The following TMEM71 variants were observed in gnomAD, a reference collection of about 807,000 sequenced individuals.
TMEM71 encodes transmembrane protein 71.
A neutral mutation model predicts 38.0 loss-of-function variants in TMEM71; 44 were observed. The ratio of observed to expected loss-of-function variants is 1.16; its 90% confidence interval spans 0.91 to 1.49. The LOEUF is 1.49. TMEM71 is among the 40% of genes most tolerant of loss of function. The pLI, the probability that TMEM71 is intolerant of heterozygous loss-of-function variation, is 0.00. For synonymous variants in TMEM71, 133 were observed against 122.5 expected, an observed-to-expected ratio of 1.09 and a Z score of -0.56; for missense variants, 367 against 348.6, an observed-to-expected ratio of 1.05 and a Z score of -0.42.
chr8:132,744,510 G>A (rs762688432), intron 5 of TMEM71, among the ~76,000 whole-genome samples: 14 of 151,992 alleles, frequency 9.2e-5, no homozygotes, highest in Non-Finnish European at 1.8e-4. Flanking sequence ...GAACTACAAA[G>A]AACTGCTTAA....
At chr8:132,743,720 C>T (rs1389547842) in intron 5 of TMEM71, among the ~76,000 whole-genome samples, 1 of 152,112 alleles carries the variant, frequency 6.6e-6, no homozygotes, top group South Asian at 2.1e-4. Flanking sequence ...AACTCAGATT[C>T]CTCCTCTGAG....
At chr8:132,721,024 G>A (rs920520576) in intron 7 of TMEM71, among the ~76,000 whole-genome samples, 17 of 152,326 alleles carry the variant, frequency 1.1e-4, no homozygotes, top group Admixed American at 4.6e-4. Flanking sequence ...AGGTGCATGC[G>A]ACAAAGAGTG....
chr8:132,728,433 A>G (rs572004004), intron 5 of TMEM71, among the ~76,000 whole-genome samples: 2 of 152,292 alleles, frequency 1.3e-5, no homozygotes, highest in Admixed American at 6.5e-5. Context: ...AGAAAGACCC[A>G]TCACCATGAT....
chr8:132,716,219 T>TGCCCCTGGCCTCTCCCTGCTCCC lies in TMEM71; in HGVS notation c.753-2005_753-2004insGGGAGCAGGGAGAGGCCAGGGGC, dbSNP rs1563742247. On this transcript the variant is annotated intron_variant, in intron 7 of 9. Coordinates refer to ENST00000677595, the MANE Select transcript of TMEM71 (RefSeq NM_001382403.1). The stretch of plus-strand genomic sequence containing the variant: ...CCTGCCCCTGGCCTCTCCCTGCTCC[T>TGCCCCTGGCCTCTCCCTGCTCCC]GTTGCCCGCTCTGATTTCGGAGCAA... Among the ~76,000 whole-genome samples the TGCCCCTGGCCTCTCCCTGCTCCC allele has an allele frequency of 7.9e-5, 12 of 152,090 alleles. 2 individuals carry two copies. Among genetic ancestry groups the TGCCCCTGGCCTCTCCCTGCTCCC allele is most frequent in the African/African-American group, 2.7e-4 (11 of 41,428 alleles).
At chr8:132,762,622 A>G (rs762938795), upstream of TMEM71, among the ~76,000 whole-genome samples, 6 of 152,142 alleles carry the variant, frequency 3.9e-5, no homozygotes, top group Admixed American at 1.3e-4. Flanking sequence ...TGTTACATCA[A>G]TTCCATGGGA....
At chr8:132,775,352 C>A in the TMEM71 span, 2 of 354,416 alleles carry the variant, frequency 5.6e-6, no homozygotes, top group Non-Finnish European at 1.0e-5. Context: ...CGGCACGTCG[C>A]GGGCGGCTGA....
chr8:132,727,686 G>A (rs1586789899), intron 6 of TMEM71, 112 bp downstream of exon 6: 11 of 915,942 alleles, frequency 1.2e-5, no homozygotes, highest in South Asian at 5.5e-5. Flanking sequence ...TCCCTTCCTC[G>A]CACAGGTTGG....
the TMEM71 span, among the ~76,000 whole-genome samples, chr8:132,774,931 A>G: frequency 1.3e-5 from 2 of 152,242 alleles, no homozygotes; most frequent in African/African-American, 4.8e-5. Context: ...GTCATGTGAC[A>G]TATTTACAGC....
At chr8:132,769,966 G>A in the TMEM71 span, among the ~76,000 whole-genome samples, 5 of 152,194 alleles carry the variant, frequency 3.3e-5, no homozygotes, top group Non-Finnish European at 7.3e-5. Flanking sequence ...TGTTCTCAAC[G>A]AAAAGAATGA....
the TMEM71 span, among the ~76,000 whole-genome samples, chr8:132,770,118 C>G: frequency 6.6e-6 from 1 of 152,194 alleles, no homozygotes; most frequent in African/African-American, 2.4e-5. Context: ...TCTCTAAAAT[C>G]AAACACCTAC....
intron 4 of TMEM71, among the ~76,000 whole-genome samples, chr8:132,750,435 T>C (rs992377298): frequency 6.6e-6 from 1 of 152,168 alleles, no homozygotes; most frequent in East Asian, 1.9e-4. Context: ...GCTGTTGGGG[T>C]ATGTTCTCTT....
At chr8:132,743,840 C>T (rs1002986333) in intron 5 of TMEM71, among the ~76,000 whole-genome samples, 3 of 152,140 alleles carry the variant, frequency 2.0e-5, no homozygotes, top group South Asian at 2.1e-4. Flanking sequence ...CCACCAAGCA[C>T]GTCTACTCAC....
intron 5 of TMEM71, among the ~76,000 whole-genome samples, chr8:132,744,860 C>T (rs2067327159): frequency 6.6e-6 from 1 of 152,060 alleles, no homozygotes. Flanking sequence ...GAATAGAGAA[C>T]CCAGAAGTAA....
At chr8:132,755,119 A>G (rs1828932574) in intron 3 of TMEM71, among the ~76,000 whole-genome samples, 1 of 152,190 alleles carries the variant, frequency 6.6e-6, no homozygotes, top group Admixed American at 6.5e-5. Context: ...ACGAGGTTTC[A>G]GAGTTCTGGA....
intron 5 of TMEM71, among the ~76,000 whole-genome samples, chr8:132,728,450 C>T (rs576468132): frequency 3.9e-5 from 6 of 152,194 alleles, no homozygotes; most frequent in Admixed American, 3.9e-4. Flanking sequence ...TGATTCAATA[C>T]CCTCCCACCA....
At chr8:132,772,425 G>C in the TMEM71 span, among the ~76,000 whole-genome samples, 2 of 152,180 alleles carry the variant, frequency 1.3e-5, no homozygotes, top group Non-Finnish European at 2.9e-5. Flanking sequence ...GGGTGGAAGA[G>C]AGGAGAAGGG....
chr8:132,759,022 T>G (rs1325241520), intron 1 of TMEM71, 107 bp from the exon 2 acceptor site: 1 of 684,894 alleles, frequency 1.5e-6, no homozygotes, highest in African/African-American at 1.8e-5. Context: ...TTTACTGAAA[T>G]AATACAGAGA....
intron 5 of TMEM71, among the ~76,000 whole-genome samples, chr8:132,728,359 A>C (rs187083290): frequency 2.6e-5 from 4 of 152,338 alleles, no homozygotes; most frequent in Admixed American, 2.6e-4. Flanking sequence ...TCAAGTGAAA[A>C]GAGAAATCCC....
chr8:132,711,515 G>A (rs537436292), intron 9 of TMEM71, among the ~76,000 whole-genome samples: 38 of 152,130 alleles, frequency 2.5e-4, no homozygotes, highest in African/African-American at 3.9e-4. Flanking sequence ...TTAAGTATAC[G>A]AACATACATT....
Sources: gnomAD v4.1 joint callset for allele counts (sites outside exome capture counted in the v4.1 genomes callset) on GRCh38, gnomAD v4.1.1 for gene constraint, MANE v1.5 for transcripts, NCBI Gene and HGNC (gene_info 2026-07-23, HGNC 2026-07-21) for gene names.